Variants in AGBL4 observed in about 807,000 individuals in gnomAD.
AGBL4 encodes the protein AGBL carboxypeptidase 4.
In AGBL4, 58 loss-of-function variants were observed where a neutral mutation model predicts 66.4. The ratio of observed to expected loss-of-function variants is 0.87; its 90% confidence interval spans 0.71 to 1.09. AGBL4 has a LOEUF of 1.09. AGBL4 is among the 50% of genes least tolerant of loss of function. The pLI, the probability that AGBL4 is intolerant of heterozygous loss-of-function variation, is 0.00. For synonymous variants in AGBL4, 234 were observed against 222.9 expected (o/e 1.05, Z -0.44); for missense variants, 579 against 631.0 (o/e 0.92, Z 0.88).
chr1:49,593,035 A>T (rs1189392691), intron 3 of AGBL4, among the ~76,000 whole-genome samples: 1 of 152,226 alleles, frequency 6.6e-6, no homozygotes, highest in Non-Finnish European at 1.5e-5. Context: ...CTAGGAATTT[A>T]TCCTTACAGA....
At chr1:49,392,426 A>G (rs956247047) in intron 3 of AGBL4, among the ~76,000 whole-genome samples, 5 of 152,186 alleles carry the variant, frequency 3.3e-5, no homozygotes, top group African/African-American at 9.6e-5. Flanking sequence ...CTTTTGCTAC[A>G]TGGTTATGAG....
At chr1:48,756,796 TGTAGCCCTGAGA>T (rs1338223036) in intron 6 of AGBL4, among the ~76,000 whole-genome samples, 1 of 152,250 alleles carries the variant, frequency 6.6e-6, no homozygotes, top group East Asian at 1.9e-4. Flanking sequence ...CCAGGATGCC[TGTAGCCCTGAGA>T]GGATAGGGTG....
At chr1:49,456,741 T>C (rs968191311) in intron 3 of AGBL4, among the ~76,000 whole-genome samples, 5 of 151,546 alleles carry the variant, frequency 3.3e-5, no homozygotes, top group Non-Finnish European at 7.4e-5. Context: ...CCCTTTCCTC[T>C]GAGCCCCGAA....
chr1:49,765,037 TC>T (rs1652632887), intron 2 of AGBL4, among the ~76,000 whole-genome samples: 1 of 152,072 alleles, frequency 6.6e-6, no homozygotes, highest in South Asian at 2.1e-4. Context: ...CAGGAGCTCC[TC>T]CCAGTCGCCC....
intron 2 of AGBL4, among the ~76,000 whole-genome samples, chr1:49,730,254 G>T (rs1358343423): frequency 6.6e-6 from 1 of 152,000 alleles, no homozygotes; most frequent in Non-Finnish European, 1.5e-5. Context: ...TATTCTTCTT[G>T]GTCACGGGAC....
In AGBL4 at chr1:49,650,992, T is replaced by C. The variant is rs183941509; in HGVS notation, c.282+46321A>G. On this transcript the variant is annotated intron_variant, in intron 3 of 13. Coordinates refer to ENST00000371839, the MANE Select transcript of AGBL4 (RefSeq NM_032785.4). The stretch of plus-strand genomic sequence containing the variant: ...ACCACCTGGGCTTGCAGACAGGGCA[T>C]GGGCCATCTGCCCTCCGTACACAGA... Among the ~76,000 whole-genome samples, 806 of 152,246 alleles carry C rather than the reference T, an allele frequency of 5.3e-3. 3 individuals carry two copies. Among genetic ancestry groups the C allele is most frequent in the Middle Eastern group, 0.017 (5 of 294 alleles).
chr1:48,591,007 A>T, intron 9 of AGBL4, 22 bp from the exon 10 acceptor site: 1 of 1,596,940 alleles, frequency 6.3e-7, no homozygotes, highest in African/African-American at 1.3e-5. Flanking sequence ...AAGGATAACA[A>T]ATGAGAAGTC....
chr1:49,097,716 GATT>G (rs1358292215), intron 4 of AGBL4, among the ~76,000 whole-genome samples: 1 of 152,218 alleles, frequency 6.6e-6, no homozygotes, highest in East Asian at 1.9e-4. Context: ...GAGTAGCTGG[GATT>G]ACAGGCGTGC....
At chr1:48,729,154 T>C (rs908218826) in intron 6 of AGBL4, among the ~76,000 whole-genome samples, 5 of 152,226 alleles carry the variant, frequency 3.3e-5, no homozygotes, top group Non-Finnish European at 7.3e-5. Context: ...ACATGTTGCC[T>C]TTTTCAAGTT....
chr1:49,118,344 G>C (rs1382340165), intron 4 of AGBL4, among the ~76,000 whole-genome samples: 1 of 152,148 alleles, frequency 6.6e-6, no homozygotes, highest in African/African-American at 2.4e-5. Flanking sequence ...TATGATATTG[G>C]CTGTGGGTTT....
intron 11 of AGBL4, among the ~76,000 whole-genome samples, chr1:48,553,708 T>C (rs966257531): frequency 6.6e-5 from 10 of 152,038 alleles, no homozygotes; most frequent in African/African-American, 2.4e-4. Context: ...AAAAAAAAAA[T>C]CAGCATCTTC....
At chr1:48,922,422 G>C (rs917972879) in intron 5 of AGBL4, among the ~76,000 whole-genome samples, 2 of 152,090 alleles carry the variant, frequency 1.3e-5, no homozygotes, top group African/African-American at 4.8e-5. Flanking sequence ...AGTTGCCTTG[G>C]AAAAGAATCC....
intron 5 of AGBL4, among the ~76,000 whole-genome samples, chr1:48,998,035 G>A (rs373515426): frequency 6.6e-6 from 1 of 152,112 alleles, no homozygotes; most frequent in Non-Finnish European, 1.5e-5. Flanking sequence ...AACCCTTTAG[G>A]TTGGGTAGTC....
chr1:49,640,182 C>A, intron 3 of AGBL4, among the ~76,000 whole-genome samples: 1 of 152,118 alleles, frequency 6.6e-6, no homozygotes. Context: ...AGCAAAAGAG[C>A]ATAAATGAAG....
At chr1:48,580,793 C>T (rs1211410994) in intron 11 of AGBL4, among the ~76,000 whole-genome samples, 2 of 152,166 alleles carry the variant, frequency 1.3e-5, no homozygotes, top group African/African-American at 2.4e-5. Flanking sequence ...CTTTCTCTTT[C>T]TCTCCATGGT....
intron 3 of AGBL4, among the ~76,000 whole-genome samples, chr1:49,309,753 C>T (rs1302712514): frequency 6.6e-6 from 1 of 151,912 alleles, no homozygotes; most frequent in East Asian, 1.9e-4. Context: ...TAGATAACCC[C>T]TAAGTGACTA....
At chr1:49,237,015 GGA>G (rs1650807435) in intron 4 of AGBL4, among the ~76,000 whole-genome samples, 1 of 151,816 alleles carries the variant, frequency 6.6e-6, no homozygotes, top group African/African-American at 2.4e-5. Context: ...CAGCACTTTG[GGA>G]GGCCAAGGTG....
the AGBL4 span, among the ~76,000 whole-genome samples, chr1:48,527,587 C>A: frequency 1.3e-5 from 2 of 148,512 alleles, no homozygotes; most frequent in Non-Finnish European, 3.0e-5. Context: ...CAGCAAGACT[C>A]CATCTCAAAA....
chr1:48,680,945 T>G (rs1307120110), intron 6 of AGBL4, among the ~76,000 whole-genome samples: 1 of 152,168 alleles, frequency 6.6e-6, no homozygotes, highest in African/African-American at 2.4e-5. Context: ...CAAACTTGCA[T>G]GAGTGAGAGT....
Sources: gnomAD v4.1 joint callset for allele counts (sites outside exome capture counted in the v4.1 genomes callset) on GRCh38, gnomAD v4.1.1 for gene constraint, MANE v1.5 for transcripts, NCBI Gene and HGNC (gene_info 2026-07-23, HGNC 2026-07-21) for gene names.